The following CD247 variants were observed in gnomAD, a reference collection of about 807,000 sequenced individuals.
The protein encoded by CD247 is CD247 molecule, also known as T-cell surface glycoprotein CD3 zeta chain.
CD247 carries 13 observed loss-of-function variants against 30.0 expected under a neutral mutation model. The observed-to-expected ratio is 0.43, with a 90% CI of 0.28 to 0.69. CD247 has a LOEUF of 0.69. CD247 is among the 30% of genes least tolerant of loss of function. The pLI, the probability that CD247 is intolerant of heterozygous loss-of-function variation, is 0.16. For synonymous variants in CD247, 72 were observed against 80.0 expected (o/e 0.90, Z 0.53); for missense variants, 193 against 212.6 (o/e 0.91, Z 0.57).
At chr1:167,511,640 A>G (rs1655392034) in intron 1 of CD247, among the ~76,000 whole-genome samples, 1 of 152,210 alleles carries the variant, frequency 6.6e-6, no homozygotes, top group Non-Finnish European at 1.5e-5. Context: ...TTTTTACTGT[A>G]AAAATTGAGA....
chr1:167,447,313 T>G (rs1051781884), intron 1 of CD247, among the ~76,000 whole-genome samples: 2 of 152,194 alleles, frequency 1.3e-5, no homozygotes, highest in African/African-American at 4.8e-5. Context: ...CTTATCCCAG[T>G]GCCTCTGGGG....
rs143903744 is a variant in CD247, at chr1:167,483,461, T to G, written c.58+34947A>C. Reference sequence around the variant, plus strand: ...CCCACCAACCTTGAAGATTCTGATATTTTGTTAAAAATTCATGCTAGTTTT... The same window carrying G: ...CCCACCAACCTTGAAGATTCTGATAGTTTGTTAAAAATTCATGCTAGTTTT... On this transcript the variant is annotated intron_variant, in intron 1 of 7. Coordinates refer to ENST00000362089, the MANE Select transcript of CD247 (RefSeq NM_198053.3). Among the ~76,000 whole-genome samples the G allele has an allele frequency of 2.6e-3, 400 of 152,246 alleles. 3 individuals are homozygous for G. The highest frequency in any genetic ancestry group is 9.1e-3 in the African/African-American group (379 of 41,556).
chr1:167,493,144 G>A (rs1654529183), intron 1 of CD247, among the ~76,000 whole-genome samples: 1 of 138,188 alleles, frequency 7.2e-6, no homozygotes, highest in African/African-American at 2.7e-5. Context: ...CTGGGTTCAA[G>A]CTATTCTCCT....
In CD247 at chr1:167,494,256, T is replaced by C. The variant is rs1418107; in HGVS notation, c.58+24152A>G. On this transcript the variant is annotated intron_variant, in intron 1 of 7. Transcript: ENST00000362089. The surrounding 1 kb of genome is among the most constrained non-coding windows in gnomAD (Gnocchi z 7.3). The stretch of plus-strand genomic sequence containing the variant: ...TGTTGATGGCCATGATCAATTCGGA[T>C]CCCCAGGGCCAGTTCAGCAAAACCT... Among the ~76,000 whole-genome samples, 4,531 of 152,238 alleles carry C rather than the reference T, an allele frequency of 0.03. 230 individuals are homozygous for C. Among genetic ancestry groups the C allele is most frequent in the African/African-American group, 0.1 (4,314 of 41,500 alleles).
chr1:167,462,560 G>A (rs998666892), intron 1 of CD247, among the ~76,000 whole-genome samples: 17 of 152,230 alleles, frequency 1.1e-4, no homozygotes, highest in Non-Finnish European at 2.5e-4. Context: ...GGAGAGAGCT[G>A]CACAGGGGGC....
chr1:167,456,750 G>A (rs765589434), intron 1 of CD247, among the ~76,000 whole-genome samples: 5 of 152,204 alleles, frequency 3.3e-5, no homozygotes, highest in Non-Finnish European at 5.9e-5. Flanking sequence ...AGGGAGGGCA[G>A]CCCCAAAGCT....
At chr1:167,462,041 A>G (rs546371113) in intron 1 of CD247, among the ~76,000 whole-genome samples, 5 of 152,172 alleles carry the variant, frequency 3.3e-5, no homozygotes, top group Non-Finnish European at 7.3e-5. Flanking sequence ...TTCACAGAGT[A>G]TAGGATGCCC....
At chr1:167,482,549 C>A (rs1654015672) in intron 1 of CD247, among the ~76,000 whole-genome samples, 1 of 152,182 alleles carries the variant, frequency 6.6e-6, no homozygotes, top group South Asian at 2.1e-4. Flanking sequence ...GAAGCAAAGC[C>A]CATGCTGGCT....
chr1:167,458,884 A>T (rs1237364647), intron 1 of CD247, among the ~76,000 whole-genome samples: 1 of 151,462 alleles, frequency 6.6e-6, no homozygotes, highest in Non-Finnish European at 1.5e-5. Context: ...GCACTTTGGG[A>T]GGCTGAGGCA....
intron 1 of CD247, among the ~76,000 whole-genome samples, chr1:167,507,329 C>T (rs1273144084): frequency 1.3e-5 from 2 of 151,776 alleles, no homozygotes; most frequent in African/African-American, 4.9e-5. Flanking sequence ...AAGGACTCTA[C>T]AGGGAAAACA....
intron 5 of CD247, chr1:167,434,428 A>C: frequency 2.6e-6 from 1 of 382,316 alleles, no homozygotes; most frequent in East Asian, 6.3e-5. Context: ...TTATCTGAGC[A>C]AGTTGTCTCT....
At chr1:167,482,084 C>T (rs1304453657) in intron 1 of CD247, among the ~76,000 whole-genome samples, 6 of 152,172 alleles carry the variant, frequency 3.9e-5, no homozygotes, top group Non-Finnish European at 8.8e-5. Flanking sequence ...GAGGCTCAAC[C>T]TCTGAACTGT....
chr1:167,475,931 G>C (rs1653727212), intron 1 of CD247, among the ~76,000 whole-genome samples: 1 of 152,144 alleles, frequency 6.6e-6, no homozygotes, highest in South Asian at 2.1e-4. Context: ...ACACCAACTT[G>C]ATATTTGATG....
rs192076855 is a variant in CD247 at position 167,461,304 on chromosome 1, C to T, written c.59-20537G>A. ...TGGACCCAGGGATAAATGAGATCCA[C>T]TATCAGAGCCAATGGCAGCATCGGC... On this transcript the variant is annotated intron_variant, in intron 1 of 7. Transcript: ENST00000362089. Among the ~76,000 whole-genome samples, 147 of 152,374 alleles carry T rather than the reference C, an allele frequency of 9.6e-4. 2 individuals carry two copies. In the South Asian group the frequency reaches 0.017, roughly 18 times the overall value.
At chr1:167,471,627 G>T (rs142183690) in intron 1 of CD247, among the ~76,000 whole-genome samples, 4 of 152,112 alleles carry the variant, frequency 2.6e-5, no homozygotes, top group South Asian at 2.1e-4. Context: ...TTAGAGATGG[G>T]GGTCTCATTC....
chr1:167,435,521 C>A, intron 4 of CD247, 87 bp from the exon 5 acceptor site: 2 of 1,059,350 alleles, frequency 1.9e-6, no homozygotes, highest in Non-Finnish European at 2.9e-6. Context: ...TGCCCCCTGA[C>A]TGCAGTTTCC....
chr1:167,495,519 C>T (rs1278244408), intron 1 of CD247, among the ~76,000 whole-genome samples: 1 of 152,128 alleles, frequency 6.6e-6, no homozygotes, highest in African/African-American at 2.4e-5. Context: ...CTACTTCTGC[C>T]CTTATTCCCC....
chr1:167,475,119 T>C (rs1653690980), intron 1 of CD247, among the ~76,000 whole-genome samples: 1 of 152,154 alleles, frequency 6.6e-6, no homozygotes, highest in Non-Finnish European at 1.5e-5. Flanking sequence ...AACATACTTA[T>C]TGCTCACCCT....
intron 1 of CD247, among the ~76,000 whole-genome samples, chr1:167,462,024 T>C (rs1263018554): frequency 6.6e-6 from 1 of 152,190 alleles, no homozygotes; most frequent in African/African-American, 2.4e-5. Context: ...AGATTGGTTC[T>C]GACCAATTCA....
Sources: allele counts gnomAD v4.1 joint callset (sites outside exome capture counted in the v4.1 genomes callset), GRCh38; gene constraint gnomAD v4.1.1; non-coding constraint Gnocchi (gnomAD v3.1); transcripts MANE v1.5; gene names NCBI Gene and HGNC (gene_info 2026-07-23, HGNC 2026-07-21).